The following CLSTN1 variants were observed in gnomAD, a reference collection of about 807,000 sequenced individuals.
CLSTN1 encodes calsyntenin 1.
CLSTN1 carries 28 observed loss-of-function variants against 108.3 expected under a neutral mutation model. The ratio of observed to expected loss-of-function variants is 0.26; its 90% CI spans 0.19 to 0.35. The LOEUF is 0.35. CLSTN1 is among the 10% of genes least tolerant of loss of function. The pLI, the probability that CLSTN1 is intolerant of heterozygous loss-of-function variation, is 1.00. For missense variants in CLSTN1, 1,157 were observed against 1,302.6 expected, an observed-to-expected ratio of 0.89 and a Z score of 1.72; for synonymous variants, 524 against 534.9, an observed-to-expected ratio of 0.98 and a Z score of 0.28.
intron 7 of CLSTN1, among the ~76,000 whole-genome samples, chr1:9,745,765 G>GTTTTTTTTT (rs778360021): frequency 4.0e-5 from 4 of 100,910 alleles, no homozygotes; most frequent in Admixed American, 1.2e-4. Flanking sequence ...CTGAATAGTT[G>GTTTTTTTTT]TTTTTTTTTT....
At chr1:9,747,589 T>G (rs1037028819) in intron 7 of CLSTN1, among the ~76,000 whole-genome samples, 9 of 151,846 alleles carry the variant, frequency 5.9e-5, no homozygotes, top group African/African-American at 1.9e-4. Context: ...TGCAGCCTCC[T>G]GGGTTCAAGC....
chr1:9,758,636 T>C (rs375945682), intron 2 of CLSTN1, among the ~76,000 whole-genome samples: 3 of 152,198 alleles, frequency 2.0e-5, no homozygotes, highest in African/African-American at 7.2e-5. Flanking sequence ...TTCATGCAAC[T>C]TTGTGTATCT....
chr1:9,817,297 T>C (rs1655010295), intron 1 of CLSTN1, among the ~76,000 whole-genome samples: 1 of 152,176 alleles, frequency 6.6e-6, no homozygotes, highest in South Asian at 2.1e-4. Flanking sequence ...ATACTTCTTA[T>C]TGGGGTTCCG....
intron 1 of CLSTN1, among the ~76,000 whole-genome samples, chr1:9,802,637 C>A (rs993294958): frequency 6.6e-6 from 1 of 152,060 alleles, no homozygotes; most frequent in African/African-American, 2.4e-5. Flanking sequence ...GTTAAAGACA[C>A]CCCAGACCAG....
chr1:9,737,016 T>C lies in CLSTN1; in HGVS notation c.1576+482A>G, dbSNP rs755757649. Reference sequence around the variant, plus strand: ...TGCACCCAGGAGGTGGAGGTTGCAGTGAGCCAAGACCGCGCCACTGCACTC... The same window carrying C: ...TGCACCCAGGAGGTGGAGGTTGCAGCGAGCCAAGACCGCGCCACTGCACTC... On this transcript the variant is annotated intron_variant, in intron 11 of 18. Coordinates refer to ENST00000377298, the MANE Select transcript of CLSTN1 (RefSeq NM_001009566.3). 2.0e-5 allele frequency among the ~76,000 whole-genome samples: 3 copies of C among 151,786 alleles called. No homozygotes were observed. The South Asian group carries it at 6.2e-4, about 32-fold the overall frequency.
At chr1:9,784,347 T>TA (rs963621935) in intron 1 of CLSTN1, among the ~76,000 whole-genome samples, 118 of 131,142 alleles carry the variant, frequency 9.0e-4, no homozygotes, top group African/African-American at 2.4e-3. Flanking sequence ...CCCTCTTGAA[T>TA]AAAAAAAAAA....
chr1:9,735,073 T>C lies in CLSTN1; in HGVS notation c.1985A>G (p.His662Arg). 6.2e-7 allele frequency: 1 copy of C among 1,614,098 alleles called. No homozygotes were observed. Among genetic ancestry groups the C allele is most frequent in the Non-Finnish European group, 8.5e-7 (1 of 1,180,024 alleles). ...AAATTCAGAAGCTGCTCGGGCAAAA[T>C]GGTGGACGCCACTCAGGCTGATCTT... ...EPKISLSGVH[H>R]FARAASEFES... is the part of the protein sequence containing the mutation. Residue 662 changes from histidine (H) to arginine (R), a missense_variant, in exon 14 of 19, where the codon CAT becomes CGT. His to Arg is a conservative substitution (Grantham distance 29). Coordinates refer to ENST00000377298, the MANE Select transcript of CLSTN1 (RefSeq NM_001009566.3).
intron 1 of CLSTN1, among the ~76,000 whole-genome samples, chr1:9,821,016 T>C (rs2101359084): frequency 6.6e-6 from 1 of 152,358 alleles, no homozygotes; most frequent in East Asian, 1.9e-4. Flanking sequence ...AATATTCATA[T>C]AAGCTTTCTA....
intron 7 of CLSTN1, among the ~76,000 whole-genome samples, 160 bp from the exon 8 acceptor site, chr1:9,744,803 G>T (rs1651174862): frequency 2.0e-5 from 3 of 152,054 alleles, no homozygotes; most frequent in Non-Finnish European, 4.4e-5. Context: ...CCCCAGGCTG[G>T]AGTACAGTGG....
intron 1 of CLSTN1, chr1:9,781,235 A>C: frequency 1.3e-6 from 1 of 766,960 alleles, no homozygotes; most frequent in South Asian, 1.5e-5. Flanking sequence ...AAATATGACA[A>C]GCTGATTTTC....
chr1:9,803,342 C>G (rs1270665307), intron 1 of CLSTN1, among the ~76,000 whole-genome samples: 1 of 152,092 alleles, frequency 6.6e-6, no homozygotes, highest in Non-Finnish European at 1.5e-5. Flanking sequence ...ACCAACAAAC[C>G]ACCCAAAACA....
Position 9,730,849 on chromosome 1 carries a change from G to T in CLSTN1, c.2749-144C>A. The stretch of plus-strand genomic sequence containing the variant: ...CGACAGAGCAGCCAGGACGGCACCG[G>T]AAGTTATATTAGAAGTGAAGGGAAA... On this transcript the variant is annotated intron_variant, in intron 18 of 18. Transcript: ENST00000377298. The surrounding 1 kb of genome is among the most constrained non-coding windows in gnomAD (Gnocchi z 5.6). The T allele has an allele frequency of 1.3e-6, 1 of 783,648 alleles. No homozygotes were observed. The highest frequency in any genetic ancestry group is 2.0e-6 in the Non-Finnish European group (1 of 489,452). 48.5% of individuals were successfully genotyped at this position (783,648 alleles called of 1,614,324 possible).
chr1:9,798,562 G>C (rs900459920), intron 1 of CLSTN1, among the ~76,000 whole-genome samples: 1 of 152,140 alleles, frequency 6.6e-6, no homozygotes, highest in African/African-American at 2.4e-5. Context: ...ACAGAAAGCC[G>C]ATTAGTGGTT....
intron 5 of CLSTN1, among the ~76,000 whole-genome samples, chr1:9,750,538 C>T (rs370672756): frequency 3.3e-5 from 5 of 152,026 alleles, no homozygotes; most frequent in African/African-American, 7.2e-5. Context: ...TGGGTTCAAG[C>T]GATTCTCCCA....
intron 2 of CLSTN1, among the ~76,000 whole-genome samples, chr1:9,760,691 T>TA (rs1198852184): frequency 2.1e-5 from 3 of 143,312 alleles, no homozygotes; most frequent in African/African-American, 7.8e-5. Context: ...CGGGTTTTTT[T>TA]TTTTTTTTTT....
intron 16 of CLSTN1, 122 bp downstream of exon 16, chr1:9,733,279 T>A: frequency 8.2e-7 from 1 of 1,226,810 alleles, no homozygotes; most frequent in Non-Finnish European, 1.2e-6. Flanking sequence ...CCCCCTAGAA[T>A]GAGCCTGTAT....
chr1:9,735,226 C>T, intron 13 of CLSTN1, 52 bp from the exon 14 acceptor site: 2 of 1,586,390 alleles, frequency 1.3e-6, no homozygotes, highest in South Asian at 1.1e-5. Flanking sequence ...GATCTTGGAG[C>T]CCACCTGTGC....
intron 10 of CLSTN1, among the ~76,000 whole-genome samples, chr1:9,739,814 A>AT (rs35078301): frequency 0.022 from 2,730 of 122,794 alleles, 76 homozygotes; most frequent in East Asian, 0.052. Context: ...GCAATAGGGC[A>AT]TTTTTTTTTT....
At chr1:9,808,571 G>A (rs559542253) in intron 1 of CLSTN1, among the ~76,000 whole-genome samples, 2 of 152,310 alleles carry the variant, frequency 1.3e-5, no homozygotes, top group African/African-American at 4.8e-5. Flanking sequence ...GACAAAGCTA[G>A]GTTGAGGCAG....
Sources: allele counts gnomAD v4.1 joint callset (sites outside exome capture counted in the v4.1 genomes callset), GRCh38; gene constraint gnomAD v4.1.1; non-coding constraint Gnocchi (gnomAD v3.1); transcripts MANE v1.5; gene names NCBI Gene and HGNC (gene_info 2026-07-23, HGNC 2026-07-21).